The following DPEP1 variants were observed in gnomAD, a reference collection of about 807,000 sequenced individuals.
DPEP1 encodes dipeptidase 1.
DPEP1 carries 50 observed loss-of-function variants against 42.3 expected under a neutral mutation model. The observed-to-expected ratio is 1.18, with a 90% confidence interval of 0.94 to 1.50. The LOEUF (loss-of-function observed/expected upper bound fraction) is 1.50. DPEP1 is among the 40% of genes most tolerant of loss of function. The pLI is 0.00. For missense variants in DPEP1, 663 were observed against 553.0 expected, an observed-to-expected ratio of 1.20 and a Z score of -1.99; for synonymous variants, 297 against 234.0, an observed-to-expected ratio of 1.27 and a Z score of -2.46.
intron 2 of DPEP1, among the ~76,000 whole-genome samples, chr16:89,634,367 A>T (rs562963690): frequency 6.6e-6 from 1 of 152,060 alleles, no homozygotes; most frequent in East Asian, 1.9e-4. Flanking sequence ...GATTACAGGC[A>T]TGAGCCACCC....
intron 1 of DPEP1, among the ~76,000 whole-genome samples, chr16:89,627,190 A>G (rs537107134): frequency 1.2e-4 from 18 of 151,312 alleles, no homozygotes; most frequent in Admixed American, 6.0e-4. Flanking sequence ...GGAGAATGGC[A>G]TGAACCCGGG....
At chr16:89,624,511 C>G (rs1232305170) in intron 1 of DPEP1, among the ~76,000 whole-genome samples, 1 of 150,900 alleles carries the variant, frequency 6.6e-6, no homozygotes, top group East Asian at 1.9e-4. Context: ...GTGAGAGGGG[C>G]GCTGTTACAT....
chr16:89,622,507 C>T (rs1424258184), intron 1 of DPEP1, among the ~76,000 whole-genome samples: 1 of 152,172 alleles, frequency 6.6e-6, no homozygotes, highest in African/African-American at 2.4e-5. Flanking sequence ...GCACTCGGGC[C>T]GGGCGCAGTG....
At chr16:89,635,870 C>T (rs1290572776) in intron 2 of DPEP1, 38 bp from the exon 3 acceptor site, 1 of 1,558,414 alleles carries the variant, frequency 6.4e-7, no homozygotes, top group Non-Finnish European at 8.7e-7. Context: ...GTCCCAGTGG[C>T]CGCCCTGACT....
In DPEP1 at chr16:89,635,197, C is replaced by T. The variant is rs113087666; in HGVS notation, c.105-711C>T. ...TTCCTTCTCCTTTCCCCTTCCTTCTCCTTTCCCCTTCCTTCTCCTTTCCCC... is the reference window on the plus strand; with the variant it reads ...TTCCTTCTCCTTTCCCCTTCCTTCTTCTTTCCCCTTCCTTCTCCTTTCCCC... On this transcript the variant is annotated intron_variant, in intron 2 of 10. Coordinates refer to ENST00000690203, the MANE Select transcript of DPEP1 (RefSeq NM_001389466.1). Among the ~76,000 whole-genome samples the T allele has an allele frequency of 2.8e-3, 346 of 122,330 alleles. 9 individuals carry two copies. Among genetic ancestry groups the T allele is most frequent in the African/African-American group, 0.011 (335 of 29,260 alleles). The allele number at this position is 122,330 out of a possible 152,430, so 80.3% of individuals were successfully genotyped here.
At chr16:89,622,840 T>C (rs1045656974) in intron 1 of DPEP1, among the ~76,000 whole-genome samples, 14 of 150,172 alleles carry the variant, frequency 9.3e-5, no homozygotes, top group Non-Finnish European at 1.3e-4. Context: ...CAGGCAAAGA[T>C]TCCGACCCAT....
downstream of DPEP1, among the ~76,000 whole-genome samples, chr16:89,640,926 A>C (rs2059738474): frequency 6.6e-6 from 1 of 152,150 alleles, no homozygotes; most frequent in Non-Finnish European, 1.5e-5. Context: ...TACGAGGCAA[A>C]AGGGGCAGGG....
At position 89,636,313 on chromosome 16, in the gene DPEP1, G is replaced by A. The variant is rs769258997; in HGVS notation, c.287G>A (p.Arg96Gln). 5.1e-5 allele frequency: 82 copies of A among 1,612,170 alleles called. No individual in the cohort carries two copies. The highest frequency in any genetic ancestry group is 4.4e-5 in the Non-Finnish European group (52 of 1,179,814). The change falls in exon 4 of 11, where the codon CGG becomes CAG. Residue 96 changes from arginine to glutamine, a missense_variant. Transcript: ENST00000690203. ...GACACCCAGAACAAAGACGCCGTGC[G>A]GAGGACGCTGGAGCAGATGGACGTG... ...PCDTQNKDAVRRTLEQMDVVH... is the reference protein window; with the variant it reads ...PCDTQNKDAVQRTLEQMDVVH...
intron 1 of DPEP1, among the ~76,000 whole-genome samples, chr16:89,623,617 G>A (rs1490142795): frequency 6.6e-6 from 1 of 152,118 alleles, no homozygotes; most frequent in Non-Finnish European, 1.5e-5. Flanking sequence ...AAAGAACACA[G>A]CAAACCTTGG....
chr16:89,634,976 T>TC (rs1378869223), intron 2 of DPEP1, among the ~76,000 whole-genome samples: 5 of 49,144 alleles, frequency 1.0e-4, no homozygotes, highest in East Asian at 5.3e-4. Flanking sequence ...CCTTCTCCTT[T>TC]CCCTTCCTTC....
rs904248871 is a variant in DPEP1 at position 89,630,346 on chromosome 16, G to A, written c.-65G>A. 18 of 1,387,442 alleles carry A rather than the reference G, an allele frequency of 1.3e-5. No homozygotes were observed. Among genetic ancestry groups the A allele is most frequent in the East Asian group, 2.5e-5 (1 of 40,356 alleles). 85.9% of individuals were successfully genotyped at this position (1,387,442 alleles called of 1,614,324 possible). A position where few individuals can be genotyped will look rare whatever the true frequency, so the allele number is the denominator to read the frequency against. On this transcript the variant is annotated 5_prime_UTR_variant, in exon 2 of 11. Coordinates refer to ENST00000690203, the MANE Select transcript of DPEP1 (RefSeq NM_001389466.1). ...CAGCCTGAAGCTCATCCTTCTGCAC[G>A]GGCCAGCCAGGCCAGCACAGAGGCA... is the stretch of plus-strand genomic sequence containing the variant.
intron 6 of DPEP1, 128 bp downstream of exon 6, chr16:89,637,063 C>T: frequency 2.0e-6 from 3 of 1,518,638 alleles, no homozygotes; most frequent in East Asian, 2.3e-5. Context: ...TGGCAGCCAT[C>T]CCCCCAGGGT....
rs768345231 is a variant in DPEP1, at chr16:89,637,450, G to C, written c.769-18G>C. Reference sequence around the variant, plus strand: ...CCCTCCCAGCTCTCAGCTTCACCCTGTCTTCCTTCTTGTGCAGAAACAGAC... The same window carrying C: ...CCCTCCCAGCTCTCAGCTTCACCCTCTCTTCCTTCTTGTGCAGAAACAGAC... On this transcript the variant is annotated intron_variant, in intron 7 of 10. Coordinates refer to ENST00000690203, the MANE Select transcript of DPEP1 (RefSeq NM_001389466.1). 2.5e-6 allele frequency: 4 copies of C among 1,612,842 alleles called. No homozygotes were observed. In the South Asian group the frequency reaches 4.4e-5, roughly 18 times the overall value.
rs1483016204 is a variant in DPEP1, at chr16:89,637,189, G to A, written c.592-15G>A. 6.2e-7 allele frequency: 1 copy of A among 1,609,206 alleles called. No individual in the cohort carries two copies. Among genetic ancestry groups the A allele is most frequent in the Non-Finnish European group, 8.5e-7 (1 of 1,177,794 alleles). ...CCTGGGGGCTGTGAGGGTGGACGGA[G>A]CCCTGTCTTCCCAGCGTGTGGTGAA... is the stretch of plus-strand genomic sequence containing the variant. On this transcript the variant is annotated splice_polypyrimidine_tract_variant and intron_variant, in intron 6 of 10. Coordinates refer to ENST00000690203, the MANE Select transcript of DPEP1 (RefSeq NM_001389466.1).
rs1227746953 is a variant in DPEP1, at chr16:89,636,292, C to A, written c.266C>A (p.Thr89Asn). Residue 89 changes from threonine to asparagine, a missense_variant, in exon 4 of 11, where the codon ACC becomes AAC. By Grantham distance (65) the Thr-to-Asn change is moderately conservative. Coordinates refer to ENST00000690203, the MANE Select transcript of DPEP1 (RefSeq NM_001389466.1). ...TGGTCCGTGTACACGCCCTGCGACA[C>A]CCAGAACAAAGACGCCGTGCGGAGG... ...QFWSVYTPCDTQNKDAVRRTL... is the reference protein window; with the variant it reads ...QFWSVYTPCDNQNKDAVRRTL... 1 of 1,611,624 alleles carries A rather than the reference C, an allele frequency of 6.2e-7. No homozygotes were observed. Among genetic ancestry groups the A allele is most frequent in the Non-Finnish European group, 8.5e-7 (1 of 1,179,590 alleles).
chr16:89,636,596 C>G lies in DPEP1; in HGVS notation c.434C>G (p.Ser145Cys). 1.2e-6 allele frequency: 2 copies of G among 1,612,634 alleles called. No homozygotes were observed. The highest frequency in any genetic ancestry group is 1.7e-6 in the Non-Finnish European group (2 of 1,179,968). The change falls in exon 5 of 11, where the codon TCC (serine) becomes TGC (cysteine). Residue 145 changes from serine (S) to cysteine (C), a missense_variant. Physicochemically the swap from Ser to Cys is moderately radical, Grantham distance 112 (BLOSUM62 -1). Transcript: ENST00000690203. ...CTGATCGGCGTGGAGGGCGGCCACT[C>G]CATTGACAGCAGTTTGGGCGTCCTG... ...ASLIGVEGGHSIDSSLGVLRA... is the reference protein window; with the variant it reads ...ASLIGVEGGHCIDSSLGVLRA...
At chr16:89,627,315 G>A (rs1019362499) in intron 1 of DPEP1, among the ~76,000 whole-genome samples, 9 of 150,840 alleles carry the variant, frequency 6.0e-5, no homozygotes, top group Non-Finnish European at 1.3e-4. Context: ...AGGCATGGTG[G>A]CTCACACCTG....
At chr16:89,615,469 C>T (rs928463819) in intron 1 of DPEP1, among the ~76,000 whole-genome samples, 3 of 152,236 alleles carry the variant, frequency 2.0e-5, no homozygotes, top group African/African-American at 7.2e-5. Flanking sequence ...GTCTTCTCTA[C>T]CTCAGTTTCC....
Position 89,637,352 on chromosome 16 carries a change from A to G in DPEP1, c.740A>G (p.Asn247Ser). The G allele has an allele frequency of 1.9e-6, 3 of 1,612,330 alleles. No individual in the cohort carries two copies. Among genetic ancestry groups the G allele is most frequent in the East Asian group, 2.2e-5 (1 of 44,876 alleles). Residue 247 changes from asparagine to serine, a missense_variant, in exon 7 of 11, where the codon AAC becomes AGC. Physicochemically the swap from Asn to Ser is conservative, Grantham distance 46. Coordinates refer to ENST00000690203, the MANE Select transcript of DPEP1 (RefSeq NM_001389466.1). ...SAYSVCASRR[N>S]VPDDVLRLVK... is the part of the protein sequence containing the mutation. ...TACAGCGTGTGCGCAAGCCGGCGCA[A>G]CGTGCCTGACGACGTCCTGAGGCTG... is the stretch of plus-strand genomic sequence containing the variant.
Sources: allele counts gnomAD v4.1 joint callset (sites outside exome capture counted in the v4.1 genomes callset), GRCh38; gene constraint gnomAD v4.1.1; transcripts MANE v1.5; gene names NCBI Gene and HGNC (gene_info 2026-07-23, HGNC 2026-07-21).